Variants in ZNF611 observed in about 807,000 individuals in gnomAD.
ZNF611 encodes the protein zinc finger protein 611.
In ZNF611, 6 loss-of-function variants were observed where a neutral mutation model predicts 8.9. That is an observed-to-expected ratio of 0.68 (90% CI 0.37 to 1.34). ZNF611 has a LOEUF of 1.34. Ranked by LOEUF, ZNF611 falls within the 40% of genes most tolerant of loss-of-function variation. ZNF611 has a pLI of 0.02. For missense variants in ZNF611, 874 were observed against 841.3 expected (o/e 1.04, Z -0.48); for synonymous variants, 262 against 279.7 (o/e 0.94, Z 0.63).
At chr19:52,728,496 C>A (rs1379328899) in intron 3 of ZNF611, among the ~76,000 whole-genome samples, 1 of 151,732 alleles carries the variant, frequency 6.6e-6, no homozygotes, top group Non-Finnish European at 1.5e-5. Context: ...CGAGATCGCA[C>A]CATTTAACTC....
chr19:52,715,558 C>A (rs1568604008), intron 4 of ZNF611, among the ~76,000 whole-genome samples: 2 of 152,222 alleles, frequency 1.3e-5, no homozygotes, highest in African/African-American at 2.4e-5. Flanking sequence ...CCCAGCAGCA[C>A]TGACATCAAC....
Position 52,704,836 on chromosome 19 carries a change from G to A in ZNF611, c.*101C>T, listed in dbSNP as rs2062227974. The A allele has an allele frequency of 2.5e-6, 4 of 1,605,268 alleles. No homozygotes were observed. The highest frequency in any genetic ancestry group is 2.6e-6 in the Non-Finnish European group (3 of 1,173,888). ...CAGGTGTGAATCACTCCCAAGTCTTGTCAGAAACCTTACATTTGTAAGCTT... is the reference window on the plus strand; with the variant it reads ...CAGGTGTGAATCACTCCCAAGTCTTATCAGAAACCTTACATTTGTAAGCTT... On this transcript the variant is annotated 3_prime_UTR_variant, in exon 6 of 6. Transcript: ENST00000652185.
At chr19:52,724,653 TGTTA>T (rs907204629) in intron 3 of ZNF611, 1 of 152,298 alleles carries the variant, frequency 6.6e-6, no homozygotes, top group African/African-American at 2.4e-5. Flanking sequence ...CTGCTCTCCC[TGTTA>T]AATTCTCTCT....
At chr19:52,726,796 A>G (rs1329062003) in intron 3 of ZNF611, among the ~76,000 whole-genome samples, 2 of 151,160 alleles carry the variant, frequency 1.3e-5, no homozygotes, top group African/African-American at 2.4e-5. Flanking sequence ...ATTCTTTTCA[A>G]TGTGGATATC....
chr19:52,728,551 GA>G (rs920194373), intron 3 of ZNF611, among the ~76,000 whole-genome samples, 178 bp downstream of exon 3: 1 of 151,650 alleles, frequency 6.6e-6, no homozygotes, highest in Non-Finnish European at 1.5e-5. Flanking sequence ...AGAAAGAAAA[GA>G]AAAGAGAAAG....
rs76210810 is a variant in ZNF611, at chr19:52,705,962, T to C, written c.1093A>G (p.Thr365Ala). Residue 365 changes from threonine to alanine, a missense_variant, in exon 6 of 6, where the codon ACT (threonine) becomes GCT (alanine). Physicochemically the swap from Thr to Ala is moderately conservative, Grantham distance 58. Coordinates refer to ENST00000652185, the MANE Select transcript of ZNF611 (RefSeq NM_001161499.2). ...TCACATTTGTAAGGTTTCTCTCCAG[T>C]ATGAATTCTATGATGTGAAAGTTGT... ...QSQLSHHRIH[T>A]GEKPYKCEEC... 1.3e-4 allele frequency: 203 copies of C among 1,614,164 alleles called. No individual in the cohort carries two copies. The highest frequency in any genetic ancestry group is 1.6e-4 in the Non-Finnish European group (191 of 1,180,030).
intron 3 of ZNF611, among the ~76,000 whole-genome samples, chr19:52,722,722 C>T (rs1045004016): frequency 6.6e-6 from 1 of 152,108 alleles, no homozygotes. Context: ...CATCTGTATC[C>T]AAAGTCCCCC....
At chr19:52,706,934 A>ATC (rs1478493454) in intron 5 of ZNF611, 70 bp from the exon 6 acceptor site, 1 of 1,530,982 alleles carries the variant, frequency 6.5e-7, no homozygotes, top group Non-Finnish European at 8.7e-7. Flanking sequence ...GTGCATAAAT[A>ATC]TGACACAAAA....
rs544686695 is a variant in ZNF611, at chr19:52,706,889, T to C, written c.191-25A>G. On this transcript the variant is annotated intron_variant, in intron 5 of 5. Transcript: ENST00000652185. ...TCTACAAAATATAAACACCAATACA[T>C]TTCCAATTAAGTACAGATGGTAAAT... 2.5e-6 allele frequency: 4 copies of C among 1,594,248 alleles called. No individual in the cohort carries two copies. In the South Asian group the frequency reaches 4.6e-5, roughly 18 times the overall value.
At chr19:52,726,800 G>A (rs1302470056) in intron 3 of ZNF611, among the ~76,000 whole-genome samples, 1 of 150,110 alleles carries the variant, frequency 6.7e-6, no homozygotes, top group Non-Finnish European at 1.5e-5. Context: ...TTTTCAATGT[G>A]GATATCCAGT....
intron 1 of ZNF611, among the ~76,000 whole-genome samples, chr19:52,733,314 G>C (rs1055746808): frequency 1.3e-5 from 2 of 150,378 alleles, no homozygotes; most frequent in African/African-American, 4.9e-5. Flanking sequence ...CTTTTTTTTT[G>C]TTTGGAGACA....
At chr19:52,726,691 T>C (rs1275157682) in intron 3 of ZNF611, among the ~76,000 whole-genome samples, 1 of 151,788 alleles carries the variant, frequency 6.6e-6, no homozygotes, top group African/African-American at 2.4e-5. Context: ...GTGCTGGGAT[T>C]ACAGGTGTGA....
intron 4 of ZNF611, among the ~76,000 whole-genome samples, chr19:52,714,611 C>T (rs984579644): frequency 2.7e-5 from 4 of 150,092 alleles, no homozygotes; most frequent in African/African-American, 7.4e-5. Flanking sequence ...TCACTTGAAC[C>T]CGGGAGATGG....
chr19:52,729,089 A>C (rs1045091418), intron 2 of ZNF611: 1 of 152,362 alleles, frequency 6.6e-6, no homozygotes, highest in South Asian at 2.1e-4. Flanking sequence ...AGCCTAAAGT[A>C]AGGACTGTTT....
intron 3 of ZNF611, among the ~76,000 whole-genome samples, chr19:52,725,402 C>T (rs548900803): frequency 3.9e-4 from 60 of 152,210 alleles, no homozygotes; most frequent in African/African-American, 1.4e-3. Context: ...TGGGAGGCGC[C>T]CAGGGCGGGA....
At chr19:52,729,391 A>T (rs1314135914) in intron 2 of ZNF611, among the ~76,000 whole-genome samples, 1 of 150,370 alleles carries the variant, frequency 6.7e-6, no homozygotes, top group Non-Finnish European at 1.5e-5. Flanking sequence ...TACTCAGGAG[A>T]CTGAGGCACA....
At chr19:52,725,822 C>A (rs1382223789) in intron 3 of ZNF611, among the ~76,000 whole-genome samples, 2 of 152,092 alleles carry the variant, frequency 1.3e-5, no homozygotes, top group Admixed American at 1.3e-4. Context: ...GTGGCGGGGC[C>A]TGGGTGGGAC....
intron 1 of ZNF611, among the ~76,000 whole-genome samples, chr19:52,731,799 C>A (rs62117389): frequency 1.3e-5 from 2 of 151,538 alleles, no homozygotes; most frequent in African/African-American, 4.9e-5. Flanking sequence ...TGAAGAAACC[C>A]TGTCTCTACT....
At chr19:52,718,165 C>G (rs150926577) in intron 3 of ZNF611, among the ~76,000 whole-genome samples, 3 of 151,922 alleles carry the variant, frequency 2.0e-5, no homozygotes, top group Admixed American at 1.3e-4. Context: ...CATGGAGAAA[C>G]CATGTCTCTA....
Sources: allele counts gnomAD v4.1 joint callset (sites outside exome capture counted in the v4.1 genomes callset), GRCh38; gene constraint gnomAD v4.1.1; transcripts MANE v1.5; gene names NCBI Gene and HGNC (gene_info 2026-07-23, HGNC 2026-07-21).